SLC35F3: variants seen among roughly 807,000 people sequenced by gnomAD.
The protein encoded by SLC35F3 is solute carrier family 35 member F3.
Under a neutral mutation model 49.9 loss-of-function variants are expected in SLC35F3, and 25 were observed. The ratio of observed to expected loss-of-function variants is 0.50; its 90% CI spans 0.37 to 0.70. The LOEUF is 0.70. Ranked by LOEUF, SLC35F3 falls within the 30% of genes least tolerant of loss-of-function variation. The pLI is 0.00. For synonymous variants in SLC35F3, 275 were observed against 265.4 expected (o/e 1.04, Z -0.35); for missense variants, 525 against 639.8 (o/e 0.82, Z 1.94).
chr1:234,311,807 C>T (rs1424865916), intron 4 of SLC35F3, among the ~76,000 whole-genome samples: 1 of 152,160 alleles, frequency 6.6e-6, no homozygotes, highest in Admixed American at 6.5e-5. Context: ...TCTAGCTCAG[C>T]GATGGAGATG....
At chr1:234,083,072 G>C (rs1664904935) in intron 2 of SLC35F3, among the ~76,000 whole-genome samples, 1 of 152,142 alleles carries the variant, frequency 6.6e-6, no homozygotes, top group Non-Finnish European at 1.5e-5. Context: ...GAGAGAGAAG[G>C]CATTTTTCCT....
At chr1:233,933,473 C>G (rs971436578) in intron 2 of SLC35F3, among the ~76,000 whole-genome samples, 1 of 152,142 alleles carries the variant, frequency 6.6e-6, no homozygotes, top group African/African-American at 2.4e-5. Flanking sequence ...TACAGGCGCA[C>G]ACTACCATGC....
chr1:234,135,408 A>C (rs1665796502), intron 2 of SLC35F3, among the ~76,000 whole-genome samples: 1 of 152,234 alleles, frequency 6.6e-6, no homozygotes, highest in Non-Finnish European at 1.5e-5. Context: ...TGGATGCATC[A>C]GGATATGGAA....
At chr1:234,282,347 G>A (rs1227122657) in intron 3 of SLC35F3, among the ~76,000 whole-genome samples, 2 of 152,152 alleles carry the variant, frequency 1.3e-5, no homozygotes, top group East Asian at 3.9e-4. Flanking sequence ...TATGTCCTTA[G>A]TACATGATAC....
intron 2 of SLC35F3, among the ~76,000 whole-genome samples, chr1:233,949,497 G>A (rs989529421): frequency 1.3e-5 from 2 of 152,214 alleles, no homozygotes; most frequent in Admixed American, 6.5e-5. Flanking sequence ...GAGGGAAAAT[G>A]CAAAGATGGA....
At chr1:233,910,323 C>T (rs1661854362) in intron 2 of SLC35F3, among the ~76,000 whole-genome samples, 1 of 152,216 alleles carries the variant, frequency 6.6e-6, no homozygotes, top group African/African-American at 2.4e-5. Context: ...CAGCCCCAGG[C>T]ATCTGATAGG....
intron 2 of SLC35F3, among the ~76,000 whole-genome samples, chr1:233,987,715 A>G (rs1663289138): frequency 6.6e-6 from 1 of 151,794 alleles, no homozygotes; most frequent in Non-Finnish European, 1.5e-5. Flanking sequence ...ATTCCCTCCC[A>G]TTTTCCCTCT....
chr1:233,912,553 T>C (rs1282169255), intron 2 of SLC35F3, among the ~76,000 whole-genome samples: 1 of 152,106 alleles, frequency 6.6e-6, no homozygotes, highest in African/African-American at 2.4e-5. Flanking sequence ...AGGATTGTCG[T>C]GAAGATTAAA....
intron 2 of SLC35F3, among the ~76,000 whole-genome samples, chr1:234,070,040 A>G (rs2102867371): frequency 6.6e-6 from 1 of 152,272 alleles, no homozygotes. Context: ...CACCTCCTCC[A>G]CCAGGAAGTT....
At chr1:234,121,870 A>C (rs186130323) in intron 2 of SLC35F3, among the ~76,000 whole-genome samples, 25 of 152,372 alleles carry the variant, frequency 1.6e-4, no homozygotes, top group Non-Finnish European at 3.1e-4. Flanking sequence ...AGCTACATCC[A>C]CATCGCTACA....
At chr1:234,016,833 A>G (rs1320842790) in intron 2 of SLC35F3, among the ~76,000 whole-genome samples, 1 of 152,168 alleles carries the variant, frequency 6.6e-6, no homozygotes, top group African/African-American at 2.4e-5. Flanking sequence ...CCCCGGTCTA[A>G]GGTTTGTGCC....
chr1:234,074,356 A>C (rs1465143777), intron 2 of SLC35F3, among the ~76,000 whole-genome samples: 2 of 152,232 alleles, frequency 1.3e-5, no homozygotes, highest in African/African-American at 4.8e-5. Context: ...TTCTAAAAGC[A>C]ATGCCAGAGC....
In SLC35F3 at chr1:233,905,604, C is replaced by G; in HGVS notation, c.129C>G (p.Tyr43Ter). 1 of 1,614,192 alleles carries G rather than the reference C, an allele frequency of 6.2e-7. No homozygotes were observed. The highest frequency in any genetic ancestry group is 1.1e-5 in the South Asian group (1 of 91,090). ...GCCCCCAGCTCCGGCAGCTCAAGTACTTGGTGGTGGACGAGGCGATTAAGG... is the reference window on the plus strand; with the variant it reads ...GCCCCCAGCTCCGGCAGCTCAAGTAGTTGGTGGTGGACGAGGCGATTAAGG... ...DISPQLRQLKYLVVDEAIKED... is the reference protein window; with the variant it reads ...DISPQLRQLK The change falls in exon 2 of 8, where the codon TAC (tyrosine) becomes TAG (stop). Residue 43 changes from tyrosine to a stop codon, truncating the protein, a stop_gained. Transcript: ENST00000366618. LOFTEE classifies it high-confidence loss of function.
chr1:234,205,416 G>T (rs1468991843), intron 2 of SLC35F3, among the ~76,000 whole-genome samples: 2 of 152,212 alleles, frequency 1.3e-5, no homozygotes, highest in African/African-American at 2.4e-5. Flanking sequence ...AGCTGAGATC[G>T]CGCCAGTGCA....
intron 2 of SLC35F3, among the ~76,000 whole-genome samples, chr1:234,137,648 C>T (rs868363235): frequency 2.6e-5 from 4 of 152,132 alleles, no homozygotes; most frequent in East Asian, 1.9e-4. Flanking sequence ...GAGGCATCTT[C>T]GTGTCGTTAG....
At chr1:234,038,363 T>C (rs957400075) in intron 2 of SLC35F3, among the ~76,000 whole-genome samples, 13 of 150,584 alleles carry the variant, frequency 8.6e-5, no homozygotes, top group Middle Eastern at 3.4e-3. Context: ...CAGTCTATCA[T>C]TGTTGGACAT....
intron 2 of SLC35F3, among the ~76,000 whole-genome samples, chr1:234,198,630 T>G (rs1666850171): frequency 6.6e-6 from 1 of 152,174 alleles, no homozygotes; most frequent in African/African-American, 2.4e-5. Context: ...TTAATTAGTT[T>G]TGTTCATCAA....
intron 2 of SLC35F3, among the ~76,000 whole-genome samples, chr1:234,082,170 GA>G (rs1201734947): frequency 3.3e-5 from 5 of 152,048 alleles, no homozygotes; most frequent in African/African-American, 7.3e-5. Flanking sequence ...TCTGCCAGCA[GA>G]AGTGTTCTTA....
intron 2 of SLC35F3, among the ~76,000 whole-genome samples, chr1:234,066,833 CACACACACA>C (rs1664628311): frequency 8.3e-5 from 1 of 12,070 alleles, no homozygotes; most frequent in Non-Finnish European, 2.8e-4. Context: ...CTCTCTCCCA[CACACACACA>C]CACACACACA....
Sources: allele counts gnomAD v4.1 joint callset (sites outside exome capture counted in the v4.1 genomes callset), GRCh38; gene constraint gnomAD v4.1.1; transcripts MANE v1.5; gene names NCBI Gene and HGNC (gene_info 2026-07-23, HGNC 2026-07-21).